INO80: variants seen among roughly 807,000 people sequenced by gnomAD.
The protein encoded by INO80 is INO80 complex ATPase subunit.
A neutral mutation model predicts 203.4 loss-of-function variants in INO80; 20 were observed. The ratio of observed to expected loss-of-function variants is 0.10; its 90% confidence interval spans 0.07 to 0.14. The LOEUF is 0.14. INO80 is among the 10% of genes least tolerant of loss of function. The probability of loss-of-function intolerance (pLI) is 1.00; values close to 1 mark genes in which losing one functional copy is unlikely to be tolerated. For missense variants in INO80, 1,419 were observed against 1,914.4 expected, an observed-to-expected ratio of 0.74 and a Z score of 4.83; for synonymous variants, 726 against 685.2, an observed-to-expected ratio of 1.06 and a Z score of -0.93.
At chr15:41,031,526 AAGGAGAAGGGAGGAAGGGAGG>A (rs1300825324) in intron 24 of INO80, among the ~76,000 whole-genome samples, 4 of 27,228 alleles carry the variant, frequency 1.5e-4, no homozygotes, top group Admixed American at 4.4e-4. Context: ...GGAAGGGAGG[AAGGAGAAGGGAGGAAGGGAGG>A]AGGGAGGAAG....
intron 12 of INO80, among the ~76,000 whole-genome samples, chr15:41,071,365 A>G (rs2045311344): frequency 6.6e-6 from 1 of 151,316 alleles, no homozygotes; most frequent in African/African-American, 2.4e-5. Context: ...CATTTACATT[A>G]GGTATTTCTC....
chr15:41,072,329 G>T (rs1046728603), intron 11 of INO80, among the ~76,000 whole-genome samples: 7 of 151,860 alleles, frequency 4.6e-5, no homozygotes, highest in Admixed American at 3.9e-4. Flanking sequence ...TTAAATAGGG[G>T]CTCCTATGCA....
intron 24 of INO80, among the ~76,000 whole-genome samples, chr15:41,036,930 G>C (rs760169910): frequency 6.6e-6 from 1 of 151,858 alleles, no homozygotes; most frequent in Admixed American, 6.6e-5. Flanking sequence ...GCAAAACCCC[G>C]TCTCTCTACT....
chr15:40,994,478 C>T (rs1350110232), intron 29 of INO80, among the ~76,000 whole-genome samples: 1 of 152,070 alleles, frequency 6.6e-6, no homozygotes, highest in Non-Finnish European at 1.5e-5. Context: ...ATTCTCCTGC[C>T]TCAGCCTCCC....
intron 27 of INO80, among the ~76,000 whole-genome samples, chr15:41,006,417 T>C (rs1457803625): frequency 6.6e-6 from 1 of 152,218 alleles, no homozygotes; most frequent in Admixed American, 6.5e-5. Flanking sequence ...GAAGAACTAG[T>C]ATCAAAAACT....
intron 24 of INO80, among the ~76,000 whole-genome samples, chr15:41,032,013 C>CACAGG (rs2044489310): frequency 1.6e-5 from 1 of 62,984 alleles, no homozygotes; most frequent in South Asian, 6.4e-4. Flanking sequence ...CACAGCACAG[C>CACAGG]ACAGCACAGC....
In INO80 at chr15:41,087,498, G is replaced by C. The variant is rs956051300; in HGVS notation, c.658+64C>G. 2.6e-6 allele frequency: 4 copies of C among 1,566,872 alleles called. No individual in the cohort carries two copies. The Admixed American group carries it at 7.0e-5, about 27-fold the overall frequency. On this transcript the variant is annotated intron_variant, in intron 6 of 35. Coordinates refer to ENST00000648947, the MANE Select transcript of INO80 (RefSeq NM_017553.3). The stretch of plus-strand genomic sequence containing the variant: ...TTATATATAAAGTCCAAATGCACCA[G>C]TAGGCCACATGCAATTCTGAAACTA...
Position 41,115,920 on chromosome 15 carries a change from C to G in INO80, c.-44+53G>C, listed in dbSNP as rs1243823689. On this transcript the variant is annotated intron_variant, in intron 1 of 35. Transcript: ENST00000648947. ...TTGTCGCCCGCAGAGAGGGGCGCAA[C>G]AAGACCTACACAACCCCCACTCCGT... The G allele has an allele frequency of 7.9e-6, 3 of 380,570 alleles. No individual in the cohort carries two copies. In the Admixed American group the frequency reaches 1.4e-4, roughly 17 times the overall value. 23.6% of individuals were successfully genotyped at this position (380,570 alleles called of 1,614,324 possible). A position where few individuals can be genotyped will look rare whatever the true frequency, so the allele number is the denominator to read the frequency against.
intron 9 of INO80, among the ~76,000 whole-genome samples, chr15:41,077,541 C>T (rs1285729835): frequency 6.6e-6 from 1 of 151,970 alleles, no homozygotes; most frequent in Non-Finnish European, 1.5e-5. Flanking sequence ...ATGTTTCAAA[C>T]CTAAAGTGCT....
At chr15:41,023,909 G>C (rs1353125953) in intron 25 of INO80, among the ~76,000 whole-genome samples, 1 of 150,230 alleles carries the variant, frequency 6.7e-6, no homozygotes, top group Admixed American at 6.6e-5. Flanking sequence ...TTGTAAAAAA[G>C]CAGAACTTAT....
intron 32 of INO80, 102 bp downstream of exon 32, chr15:40,985,236 T>C (rs1893976085): frequency 1.3e-6 from 1 of 799,952 alleles, no homozygotes; most frequent in South Asian, 1.5e-5. Flanking sequence ...TGGAGCTTGA[T>C]AGCAACCAGT....
chr15:41,094,663 GAATT>G, intron 4 of INO80, among the ~76,000 whole-genome samples: 1 of 152,112 alleles, frequency 6.6e-6, no homozygotes, highest in East Asian at 1.9e-4. Flanking sequence ...GGAACTTATG[GAATT>G]AATATTCCTG....
chr15:41,023,350 C>A (rs2044323669), intron 25 of INO80: 1 of 454,524 alleles, frequency 2.2e-6, no homozygotes, highest in Non-Finnish European at 4.4e-6. Context: ...CGCAGACCTG[C>A]AAAATTAATA....
chr15:41,050,682 G>A (rs1157253929), intron 19 of INO80, among the ~76,000 whole-genome samples: 1 of 152,078 alleles, frequency 6.6e-6, no homozygotes, highest in Non-Finnish European at 1.5e-5. Context: ...ATATAGTATA[G>A]ACTGATAATA....
intron 29 of INO80, among the ~76,000 whole-genome samples, chr15:40,990,521 T>C (rs1315802564): frequency 6.6e-6 from 1 of 152,194 alleles, no homozygotes; most frequent in Non-Finnish European, 1.5e-5. Flanking sequence ...CCACTGCACC[T>C]GGCCAAAATG....
At chr15:40,985,942 T>C (rs1327181150) in intron 31 of INO80, among the ~76,000 whole-genome samples, 1 of 152,190 alleles carries the variant, frequency 6.6e-6, no homozygotes, top group Non-Finnish European at 1.5e-5. Flanking sequence ...CTCATGTTAT[T>C]CTTTTTCCCT....
rs189887492 is a variant in INO80, at chr15:41,033,437, G to T, written c.2908-5701C>A. Among the ~76,000 whole-genome samples, 96 of 151,592 alleles carry T rather than the reference G, an allele frequency of 6.3e-4. No homozygotes were observed. In the South Asian group the frequency reaches 7.5e-3, roughly 12 times the overall value. On this transcript the variant is annotated intron_variant, in intron 24 of 35. Transcript: ENST00000648947. ...TAATCTCAAACTCCTGGACTCAAGG[G>T]ATCCTCCCACCTCAGCCTCCTTGAG... is the stretch of plus-strand genomic sequence containing the variant.
chr15:41,114,861 C>G (rs2046006889), intron 1 of INO80, among the ~76,000 whole-genome samples: 1 of 152,006 alleles, frequency 6.6e-6, no homozygotes, highest in Non-Finnish European at 1.5e-5. Flanking sequence ...TAATAGTTAC[C>G]TAAGACTGGA....
chr15:41,030,882 G>T (rs781693488), intron 24 of INO80, among the ~76,000 whole-genome samples: 1 of 151,446 alleles, frequency 6.6e-6, no homozygotes, highest in African/African-American at 2.4e-5. Context: ...ATATTGGCCC[G>T]GCTGGTCTCA....
Sources: gnomAD v4.1 joint callset for allele counts (sites outside exome capture counted in the v4.1 genomes callset) on GRCh38, gnomAD v4.1.1 for gene constraint, MANE v1.5 for transcripts, NCBI Gene and HGNC (gene_info 2026-07-23, HGNC 2026-07-21) for gene names.